PAPSS1: variants seen among roughly 807,000 people sequenced by gnomAD.
PAPSS1 encodes 3'-phosphoadenosine 5'-phosphosulfate synthase 1, also known as bifunctional 3'-phosphoadenosine 5'-phosphosulfate synthase 1.
PAPSS1 carries 50 observed loss-of-function variants against 72.0 expected under a neutral mutation model. The ratio of observed to expected loss-of-function variants is 0.69; its 90% CI spans 0.55 to 0.88. The LOEUF is 0.88. Ranked by LOEUF, PAPSS1 falls within the 40% of genes least tolerant of loss-of-function variation. PAPSS1 has a pLI of 0.00. For synonymous variants in PAPSS1, 261 were observed against 263.6 expected (o/e 0.99, Z 0.09); for missense variants, 657 against 782.2 (o/e 0.84, Z 1.91).
At chr4:107,627,365 C>T (rs765068737) in intron 11 of PAPSS1, among the ~76,000 whole-genome samples, 3 of 152,150 alleles carry the variant, frequency 2.0e-5, no homozygotes, top group Non-Finnish European at 2.9e-5. Context: ...TTAATCCTAA[C>T]GCTCAGAACA....
At chr4:107,615,543 T>A (rs1017964176) in intron 11 of PAPSS1, among the ~76,000 whole-genome samples, 1 of 152,188 alleles carries the variant, frequency 6.6e-6, no homozygotes, top group Non-Finnish European at 1.5e-5. Flanking sequence ...CAGACAAATA[T>A]TATGCCTAAG....
intron 1 of PAPSS1, among the ~76,000 whole-genome samples, chr4:107,713,772 A>G (rs201848973): frequency 0.038 from 1,930 of 51,278 alleles, 23 homozygotes; most frequent in Non-Finnish European, 0.11. Context: ...AAAAAAAAAA[A>G]GAAAAAAAAA....
intron 6 of PAPSS1, 64 bp downstream of exon 6, chr4:107,659,895 A>C: frequency 1.1e-6 from 1 of 898,476 alleles, no homozygotes; most frequent in Non-Finnish European, 1.8e-6. Flanking sequence ...TATAAGTCAC[A>C]AATTTAACAA....
At chr4:107,689,701 C>T (rs1403525383) in intron 3 of PAPSS1, among the ~76,000 whole-genome samples, 1 of 152,144 alleles carries the variant, frequency 6.6e-6, no homozygotes, top group Non-Finnish European at 1.5e-5. Context: ...TAGGTTTCAA[C>T]TAATAAAGTT....
Position 107,623,253 on chromosome 4 carries a change from C to G in PAPSS1, c.1736+8378G>C, listed in dbSNP as rs1299915745. On this transcript the variant is annotated intron_variant, in intron 11 of 11. Coordinates refer to ENST00000265174, the MANE Select transcript of PAPSS1 (RefSeq NM_005443.5). ...GTAATTCTAACATGTGAAGTCTCTG[C>G]AGGTCTGCTTCTGCTGACTGTAGTT... 2.0e-5 allele frequency among the ~76,000 whole-genome samples: 3 copies of G among 152,078 alleles called. No homozygotes were observed. The East Asian group carries it at 5.8e-4, about 29-fold the overall frequency.
chr4:107,719,863 G>C (rs930937253), intron 1 of PAPSS1: 16 of 1,343,104 alleles, frequency 1.2e-5, no homozygotes, highest in South Asian at 8.7e-5. Flanking sequence ...GCGCTGGGGA[G>C]GGGGGGCGTT....
At chr4:107,652,918 C>T (rs536388242) in intron 9 of PAPSS1, among the ~76,000 whole-genome samples, 28 of 152,094 alleles carry the variant, frequency 1.8e-4, no homozygotes, top group African/African-American at 6.5e-4. Context: ...AAATCATGGT[C>T]GTGTATCATT....
intron 1 of PAPSS1, among the ~76,000 whole-genome samples, chr4:107,710,393 T>C (rs1192049736): frequency 2.0e-5 from 3 of 152,342 alleles, no homozygotes; most frequent in Admixed American, 6.5e-5. Flanking sequence ...GCCCATATCA[T>C]TCTTTTGTTA....
At chr4:107,686,637 T>A (rs1722794734) in intron 4 of PAPSS1, among the ~76,000 whole-genome samples, 2 of 152,238 alleles carry the variant, frequency 1.3e-5, no homozygotes, top group Admixed American at 1.3e-4. Context: ...GTACAAGGCA[T>A]TATCCTTATC....
intron 10 of PAPSS1, among the ~76,000 whole-genome samples, chr4:107,640,989 T>C (rs903794118): frequency 2.0e-5 from 3 of 152,102 alleles, no homozygotes; most frequent in Non-Finnish European, 4.4e-5. Flanking sequence ...CAAAGCTACT[T>C]TGAGGCTTCT....
At chr4:107,715,930 G>T (rs765145412) in intron 1 of PAPSS1, among the ~76,000 whole-genome samples, 1 of 152,070 alleles carries the variant, frequency 6.6e-6, no homozygotes, top group Non-Finnish European at 1.5e-5. Flanking sequence ...AGGATATTGA[G>T]AGATGAAGGA....
intron 2 of PAPSS1, 40 bp from the exon 3 acceptor site, chr4:107,694,046 T>C (rs770049725): frequency 1.3e-5 from 18 of 1,396,806 alleles, no homozygotes; most frequent in Middle Eastern, 1.8e-4. Context: ...TGTGTAAAGT[T>C]AGAAGGATAA....
rs911598969 is a variant in PAPSS1, at chr4:107,653,076, C to CATAT, written c.1237+411_1237+414dup. On this transcript the variant is annotated intron_variant, in intron 9 of 11. Transcript: ENST00000265174. ...ATATATATGAATATATATATGAATACATATATGAATATATATGAATACATA... is the reference window on the plus strand; with the variant it reads ...ATATATATGAATATATATATGAATACATATATATATGAATATATATGAATACATA... 4.0e-5 allele frequency among the ~76,000 whole-genome samples: 6 copies of CATAT among 149,156 alleles called. No individual in the cohort carries two copies. The Admixed American group carries it at 4.1e-4, about 10-fold the overall frequency.
intron 1 of PAPSS1, among the ~76,000 whole-genome samples, chr4:107,713,306 A>G (rs1282508206): frequency 6.6e-6 from 1 of 152,162 alleles, no homozygotes; most frequent in Admixed American, 6.5e-5. Flanking sequence ...AAAGTACATT[A>G]TTGGTTGTCA....
At chr4:107,630,384 T>C (rs1046950508) in intron 11 of PAPSS1, among the ~76,000 whole-genome samples, 1 of 152,164 alleles carries the variant, frequency 6.6e-6, no homozygotes, top group African/African-American at 2.4e-5. Context: ...GGTGATTAGA[T>C]CATGGGTGCA....
At chr4:107,643,887 T>A (rs1726625692) in intron 10 of PAPSS1, among the ~76,000 whole-genome samples, 2 of 152,172 alleles carry the variant, frequency 1.3e-5, no homozygotes, top group African/African-American at 4.8e-5. Flanking sequence ...TATTTCAATG[T>A]GAAGTTAAAA....
chr4:107,678,253 T>G (rs374432009), intron 5 of PAPSS1, among the ~76,000 whole-genome samples: 2 of 99,566 alleles, frequency 2.0e-5, no homozygotes, highest in African/African-American at 6.1e-5. Context: ...AAATAAGAGA[T>G]GGAATTAATA....
intron 10 of PAPSS1, among the ~76,000 whole-genome samples, chr4:107,644,150 A>G (rs920595884): frequency 4.6e-5 from 7 of 152,182 alleles, no homozygotes; most frequent in Non-Finnish European, 1.0e-4. Context: ...AGGCCAGGGA[A>G]GGACTTGCTG....
At chr4:107,716,366 C>A (rs1048204332) in intron 1 of PAPSS1, among the ~76,000 whole-genome samples, 18 of 152,260 alleles carry the variant, frequency 1.2e-4, no homozygotes, top group Admixed American at 1.3e-4. Flanking sequence ...TTGTGTAAAA[C>A]CATGAGGATG....
Sources: gnomAD v4.1 joint callset for allele counts (sites outside exome capture counted in the v4.1 genomes callset) on GRCh38, gnomAD v4.1.1 for gene constraint, MANE v1.5 for transcripts, NCBI Gene and HGNC (gene_info 2026-07-23, HGNC 2026-07-21) for gene names.